The following ZNF782 variants were observed in gnomAD, a reference collection of about 807,000 sequenced individuals.
The protein encoded by ZNF782 is zinc finger protein 782.
Under a neutral mutation model 13.0 loss-of-function variants are expected in ZNF782, and 12 were observed. The observed-to-expected ratio is 0.92, with a 90% CI of 0.59 to 1.50. ZNF782 has a LOEUF of 1.50. Among genes scored for constraint, ZNF782 ranks in the 40% most tolerant of loss-of-function variants. ZNF782 has a pLI of 0.00. For synonymous variants in ZNF782, 284 were observed against 283.0 expected (o/e 1.00, Z -0.04); for missense variants, 770 against 822.9 (o/e 0.94, Z 0.79).
chr9:96,877,046 C>A (rs1388361915), upstream of ZNF782, among the ~76,000 whole-genome samples: 1 of 149,074 alleles, frequency 6.7e-6, no homozygotes, highest in Non-Finnish European at 1.5e-5. Flanking sequence ...GATGTCCCTA[C>A]TTAAACTTTA....
At chr9:96,913,695 G>C in the ZNF782 span, among the ~76,000 whole-genome samples, 1 of 151,798 alleles carries the variant, frequency 6.6e-6, no homozygotes, top group African/African-American at 2.4e-5. Flanking sequence ...GCTAATTTTT[G>C]TAATTTTTTA....
At chr9:96,861,099 T>A (rs28840167) in intron 2 of ZNF782, among the ~76,000 whole-genome samples, 5,072 of 151,990 alleles carry the variant, frequency 0.033, 270 homozygotes, top group African/African-American at 0.11. Context: ...AAAAAAAAAA[T>A]TTTAAAAAAG....
At chr9:96,834,355 T>A (rs1850915334) in intron 4 of ZNF782, among the ~76,000 whole-genome samples, 1 of 152,232 alleles carries the variant, frequency 6.6e-6, no homozygotes. Flanking sequence ...ATTGCAAGTT[T>A]CCTAAGGCCT....
upstream of ZNF782, among the ~76,000 whole-genome samples, chr9:96,858,410 C>T (rs1191897303): frequency 2.0e-5 from 3 of 152,156 alleles, no homozygotes; most frequent in African/African-American, 4.8e-5. The surrounding 1 kb of genome is among the most constrained non-coding windows in gnomAD (Gnocchi z 4.4). Context: ...CCTTGAGTTA[C>T]CTATGAGAGT....
chr9:96,931,980 T>C, the ZNF782 span: 16 of 1,611,480 alleles, frequency 9.9e-6, no homozygotes, highest in Non-Finnish European at 1.4e-5. Context: ...GTGGGGCCTG[T>C]GAAGCCCCCT....
At chr9:96,872,983 G>T (rs1160046257) in intron 1 of ZNF782, among the ~76,000 whole-genome samples, 1 of 152,142 alleles carries the variant, frequency 6.6e-6, no homozygotes, top group Non-Finnish European at 1.5e-5. Flanking sequence ...TAGAATTAAA[G>T]TTGTTGTACA....
intron 4 of ZNF782, among the ~76,000 whole-genome samples, chr9:96,844,430 C>T (rs1206253290): frequency 6.6e-6 from 1 of 152,178 alleles, no homozygotes; most frequent in African/African-American, 2.4e-5. Flanking sequence ...ACCACTTATA[C>T]ACACATGTGC....
chr9:96,916,681 G>A, the ZNF782 span, among the ~76,000 whole-genome samples: 2 of 151,896 alleles, frequency 1.3e-5, no homozygotes, highest in African/African-American at 2.4e-5. Flanking sequence ...GGTGTGCAGC[G>A]GCTCCCCAGC....
At chr9:96,875,092 A>C (rs763919849) in intron 1 of ZNF782, among the ~76,000 whole-genome samples, 2 of 152,220 alleles carry the variant, frequency 1.3e-5, no homozygotes, top group Non-Finnish European at 1.5e-5. Context: ...CAGGTGTGAT[A>C]TTCGACAGCA....
intron 4 of ZNF782, among the ~76,000 whole-genome samples, chr9:96,833,234 A>C (rs2118556549): frequency 6.6e-6 from 1 of 152,300 alleles, no homozygotes; most frequent in Non-Finnish European, 1.5e-5. Context: ...AACATCAGAA[A>C]TTCCGATGGC....
intron 2 of ZNF782, among the ~76,000 whole-genome samples, chr9:96,852,356 C>A (rs2118816577): frequency 6.6e-6 from 1 of 152,296 alleles, no homozygotes; most frequent in East Asian, 1.9e-4. Flanking sequence ...TTAAAATTAA[C>A]CTAGCAGGTA....
chr9:96,875,652 T>A (rs1052665027), upstream of ZNF782: 3 of 453,562 alleles, frequency 6.6e-6, no homozygotes, highest in African/African-American at 6.0e-5. Context: ...GGGGCGCAGC[T>A]CCACCTGCGT....
chr9:96,884,349 G>A, the ZNF782 span, among the ~76,000 whole-genome samples: 8 of 152,182 alleles, frequency 5.3e-5, no homozygotes, highest in Non-Finnish European at 1.2e-4. Context: ...ACCCCTCCAG[G>A]CCCTGTCATG....
chr9:96,819,470 TC>T lies in ZNF782; in HGVS notation c.552del (p.Lys185AsnfsTer9). On this transcript the variant is annotated frameshift_variant, in exon 6 of 6. Transcript: ENST00000481138. LOFTEE classifies it low-confidence loss of function (END_TRUNC). ...ACAATTTTACTATAAGCGAAAGATT[TC>T]TCTTGAGTGTTAGTTCTGCCATCCT... ...SIKDGRTNTQEKSFAYSKIVK... is the reference protein window; with the variant it reads ...SIKDGRTNTQXKSFAYSKIVK... 6.2e-7 allele frequency: 1 copy of T among 1,613,962 alleles called. No individual in the cohort carries two copies. The highest frequency in any genetic ancestry group is 8.5e-7 in the Non-Finnish European group (1 of 1,179,998).
chr9:96,931,856 G>C, the ZNF782 span: 2 of 1,612,444 alleles, frequency 1.2e-6, no homozygotes, highest in Non-Finnish European at 1.7e-6. Context: ...GGTTCCTCCA[G>C]CCGGCCCTCT....
At chr9:96,911,904 T>G in the ZNF782 span, among the ~76,000 whole-genome samples, 69 of 135,080 alleles carry the variant, frequency 5.1e-4, no homozygotes, top group Middle Eastern at 4.1e-3. Flanking sequence ...TTTATATGAT[T>G]TGGTTAAAAA....
intron 5 of ZNF782, among the ~76,000 whole-genome samples, chr9:96,820,556 TTTC>T (rs1371240208): frequency 6.6e-6 from 1 of 151,378 alleles, no homozygotes; most frequent in East Asian, 2.0e-4. Flanking sequence ...TTTTTTTTTT[TTTC>T]TTTTTTTTGA....
chr9:96,860,955 A>G (rs904167679), intron 2 of ZNF782, among the ~76,000 whole-genome samples: 8 of 152,238 alleles, frequency 5.3e-5, no homozygotes, highest in Admixed American at 5.2e-4. Context: ...TGGATTAAAG[A>G]TTTAAATCTT....
At chr9:96,855,290 T>C (rs1851626544), upstream of ZNF782, among the ~76,000 whole-genome samples, 1 of 152,238 alleles carries the variant, frequency 6.6e-6, no homozygotes, top group African/African-American at 2.4e-5. Flanking sequence ...GGGGAACAGA[T>C]GGTGTTTGGT....
Sources: allele counts gnomAD v4.1 joint callset (sites outside exome capture counted in the v4.1 genomes callset), GRCh38; gene constraint gnomAD v4.1.1; non-coding constraint Gnocchi (gnomAD v3.1); transcripts MANE v1.5; gene names NCBI Gene and HGNC (gene_info 2026-07-23, HGNC 2026-07-21).